Variants in GABRG3 observed in about 807,000 individuals in gnomAD.
GABRG3 encodes gamma-aminobutyric acid type A receptor subunit gamma3.
In GABRG3, 25 loss-of-function variants were observed where a neutral mutation model predicts 48.8. The observed-to-expected ratio is 0.51, with a 90% CI of 0.37 to 0.72. GABRG3 has a LOEUF of 0.72. Among genes scored for constraint, GABRG3 ranks in the 30% least tolerant of loss-of-function variants. The pLI is 0.00. For missense variants in GABRG3, 394 were observed against 577.9 expected, an observed-to-expected ratio of 0.68 and a Z score of 3.26; for synonymous variants, 227 against 217.6, an observed-to-expected ratio of 1.04 and a Z score of -0.38.
chr15:27,294,951 A>AG (rs1891929857), intron 3 of GABRG3: 1 of 152,238 alleles, frequency 6.6e-6, no homozygotes, highest in Non-Finnish European at 1.5e-5. Context: ...GTCAGAACCC[A>AG]GAATGGTCAG....
chr15:27,059,812 G>A (rs1896614925), intron 3 of GABRG3, among the ~76,000 whole-genome samples: 2 of 152,166 alleles, frequency 1.3e-5, no homozygotes, highest in South Asian at 2.1e-4. Flanking sequence ...GTGGCACCAC[G>A]GAGAATAGAA....
At chr15:27,003,716 C>T (rs1895507431) in intron 2 of GABRG3, among the ~76,000 whole-genome samples, 1 of 152,162 alleles carries the variant, frequency 6.6e-6, no homozygotes, top group African/African-American at 2.4e-5. Flanking sequence ...TCATCATGGC[C>T]CGTTCTCAAT....
intron 3 of GABRG3, among the ~76,000 whole-genome samples, chr15:27,322,609 G>A (rs1395075439): frequency 6.6e-6 from 1 of 152,160 alleles, no homozygotes; most frequent in Non-Finnish European, 1.5e-5. Context: ...AGAGTCAGAA[G>A]GGTCGTTACA....
At chr15:27,014,606 G>A (rs1566909312) in intron 2 of GABRG3, among the ~76,000 whole-genome samples, 1 of 151,876 alleles carries the variant, frequency 6.6e-6, no homozygotes, top group Non-Finnish European at 1.5e-5. Context: ...TTCCTGTTTT[G>A]CTTTCCTGTT....
chr15:27,263,933 A>G (rs1372980501), intron 3 of GABRG3, among the ~76,000 whole-genome samples: 6 of 101,476 alleles, frequency 5.9e-5, no homozygotes, highest in East Asian at 2.0e-4. Context: ...CAAAAAAAAA[A>G]AAAAAGAAAA....
At chr15:27,379,983 CTATCT>C (rs1895716416) in intron 5 of GABRG3, among the ~76,000 whole-genome samples, 1 of 129,742 alleles carries the variant, frequency 7.7e-6, no homozygotes, top group African/African-American at 3.0e-5. Context: ...CTGTGTTTTC[CTATCT>C]TTTTTTTTTT....
chr15:27,101,504 A>G (rs2140364992), intron 3 of GABRG3, among the ~76,000 whole-genome samples: 1 of 152,328 alleles, frequency 6.6e-6, no homozygotes, highest in South Asian at 2.1e-4. Flanking sequence ...AAGAAGAATG[A>G]AATTGGAGGA....
intron 3 of GABRG3, among the ~76,000 whole-genome samples, chr15:27,133,119 T>A (rs1032297355): frequency 6.6e-6 from 1 of 152,190 alleles, no homozygotes; most frequent in South Asian, 2.1e-4. Context: ...TTTAAGTTTT[T>A]TTCTGCTTTA....
At chr15:26,971,713 G>A in intron 1 of GABRG3, 125 bp downstream of exon 1, 1 of 1,122,662 alleles carries the variant, frequency 8.9e-7, no homozygotes, top group South Asian at 1.9e-5. Context: ...CGGGCCGGGA[G>A]GGGACTGGGA....
intron 3 of GABRG3, among the ~76,000 whole-genome samples, chr15:27,155,571 A>AG (rs1227079776): frequency 6.6e-6 from 1 of 152,212 alleles, no homozygotes; most frequent in African/African-American, 2.4e-5. Flanking sequence ...GTTCTGCAAC[A>AG]GCACTCTGGT....
chr15:27,115,930 G>C (rs145649358), intron 3 of GABRG3, among the ~76,000 whole-genome samples: 19 of 152,296 alleles, frequency 1.2e-4, no homozygotes, highest in East Asian at 9.6e-4. Flanking sequence ...TGTTACGGTA[G>C]GAAAATGAAG....
intron 3 of GABRG3, among the ~76,000 whole-genome samples, chr15:27,126,776 A>G (rs924930292): frequency 2.0e-5 from 3 of 152,214 alleles, no homozygotes; most frequent in Non-Finnish European, 4.4e-5. Context: ...TTAGCCCGCC[A>G]TGATGGATTC....
intron 3 of GABRG3, among the ~76,000 whole-genome samples, chr15:27,306,446 G>A: frequency 1.5e-5 from 2 of 136,422 alleles, no homozygotes; most frequent in Non-Finnish European, 1.5e-5. Flanking sequence ...ACGAACATAT[G>A]TCTACATATA....
intron 3 of GABRG3, among the ~76,000 whole-genome samples, chr15:27,050,313 G>A (rs527588928): frequency 6.6e-6 from 1 of 152,140 alleles, no homozygotes; most frequent in Non-Finnish European, 1.5e-5. Context: ...CTGAAACTCT[G>A]TCCCTGGGGC....
At chr15:27,455,250 T>G (rs1296499239) in intron 5 of GABRG3, among the ~76,000 whole-genome samples, 1 of 152,240 alleles carries the variant, frequency 6.6e-6, no homozygotes, top group African/African-American at 2.4e-5. Context: ...GCCCCAAGAC[T>G]AGGTCAGCTC....
chr15:27,238,902 T>G (rs779256072), intron 3 of GABRG3, among the ~76,000 whole-genome samples: 1 of 152,174 alleles, frequency 6.6e-6, no homozygotes, highest in Non-Finnish European at 1.5e-5. Flanking sequence ...TCCACATATG[T>G]CACGATTGTT....
intron 2 of GABRG3, among the ~76,000 whole-genome samples, chr15:27,023,387 T>G (rs1895931010): frequency 6.6e-6 from 1 of 152,186 alleles, no homozygotes; most frequent in Non-Finnish European, 1.5e-5. Context: ...TCATATTGCT[T>G]TGTAGCCACC....
chr15:27,286,082 A>G (rs954021330), intron 3 of GABRG3, among the ~76,000 whole-genome samples: 1 of 152,250 alleles, frequency 6.6e-6, no homozygotes, highest in Non-Finnish European at 1.5e-5. Context: ...TTAATCTTAT[A>G]CTTTATACAC....
chr15:27,182,974 C>T (rs1477940747), intron 3 of GABRG3, among the ~76,000 whole-genome samples: 1 of 152,190 alleles, frequency 6.6e-6, no homozygotes, highest in Non-Finnish European at 1.5e-5. Flanking sequence ...ATAGCAAGAA[C>T]ATAAAACTTC....
Sources: allele counts gnomAD v4.1 joint callset (sites outside exome capture counted in the v4.1 genomes callset), GRCh38; gene constraint gnomAD v4.1.1; transcripts MANE v1.5; gene names NCBI Gene and HGNC (gene_info 2026-07-23, HGNC 2026-07-21).